MME: variants seen among roughly 807,000 people sequenced by gnomAD.
MME encodes membrane metalloendopeptidase, also known as neprilysin.
A neutral mutation model predicts 113.2 loss-of-function variants in MME; 98 were observed. That is an observed-to-expected ratio of 0.87 (90% CI 0.74 to 1.02). MME has a LOEUF of 1.02. Among genes scored for constraint, MME ranks in the 50% least tolerant of loss-of-function variants. The pLI, the probability that MME is intolerant of heterozygous loss-of-function variation, is 0.00. For synonymous variants in MME, 292 were observed against 300.6 expected (o/e 0.97, Z 0.30); for missense variants, 836 against 896.0 (o/e 0.93, Z 0.86).
chr3:155,075,590 G>A (rs1714718817), upstream of MME, among the ~76,000 whole-genome samples: 1 of 151,492 alleles, frequency 6.6e-6, no homozygotes, highest in South Asian at 2.1e-4. Context: ...TCTTTTTTGT[G>A]GTTGTATTAG....
At chr3:155,053,292 C>T (rs1713819021) in intron 1 of MME, among the ~76,000 whole-genome samples, 1 of 152,152 alleles carries the variant, frequency 6.6e-6, no homozygotes, top group South Asian at 2.1e-4. Flanking sequence ...TGTTTTCATG[C>T]CGCTTTAAAG....
At chr3:155,170,119 C>G (rs1294154552) in intron 20 of MME, among the ~76,000 whole-genome samples, 1 of 152,180 alleles carries the variant, frequency 6.6e-6, no homozygotes, top group Non-Finnish European at 1.5e-5. Flanking sequence ...GAACTCGGCT[C>G]ACTGCAGCCT....
upstream of MME, among the ~76,000 whole-genome samples, chr3:155,075,932 T>C (rs2108148151): frequency 6.6e-6 from 1 of 152,382 alleles, no homozygotes; most frequent in African/African-American, 2.4e-5. Context: ...TTTTTGTTAA[T>C]GTTTGCTTAG....
Position 155,033,083 on chromosome 3 carries a change from A to G in MME, c.-11+8759A>G, listed in dbSNP as rs1246056400. Among the ~76,000 whole-genome samples, 5 of 152,318 alleles carry G rather than the reference A, an allele frequency of 3.3e-5. No individual in the cohort carries two copies. The East Asian group carries it at 9.7e-4, about 29-fold the overall frequency. ...ATAAAGGAGAAAGTTAATCTATAAA[A>G]AAGACCTGTGATTGGAAGAGGGGAG... is the stretch of plus-strand genomic sequence containing the variant. On this transcript the variant is annotated intron_variant, in intron 1 of 22. Coordinates refer to the MME transcript ENST00000492661.
chr3:155,063,044 A>AG (rs1226507608), intron 1 of MME, among the ~76,000 whole-genome samples: 1 of 146,556 alleles, frequency 6.8e-6, no homozygotes, highest in African/African-American at 2.5e-5. Flanking sequence ...AAAAAAAAAA[A>AG]AAAAAGAAAG....
chr3:155,115,971 TAGA>T (rs1403292503), intron 4 of MME, among the ~76,000 whole-genome samples: 2 of 152,160 alleles, frequency 1.3e-5, no homozygotes, highest in East Asian at 3.9e-4. Context: ...AGTTATTTTG[TAGA>T]AGAACAATTT....
intron 1 of MME, among the ~76,000 whole-genome samples, chr3:155,049,389 G>A (rs1713676306): frequency 6.6e-6 from 1 of 152,104 alleles, no homozygotes; most frequent in African/African-American, 2.4e-5. Context: ...ACGAGCCAAA[G>A]AATGCCAAGG....
chr3:155,103,098 C>T (rs569103560), intron 3 of MME, among the ~76,000 whole-genome samples: 14 of 152,310 alleles, frequency 9.2e-5, no homozygotes, highest in African/African-American at 2.9e-4. Context: ...GCATCCTATA[C>T]GCTTTACCTA....
At chr3:155,143,881 T>C (rs916364810) in intron 13 of MME, among the ~76,000 whole-genome samples, 1 of 152,138 alleles carries the variant, frequency 6.6e-6, no homozygotes, top group African/African-American at 2.4e-5. Flanking sequence ...ATTATCAAAA[T>C]TGCCCCCAAA....
intron 17 of MME, among the ~76,000 whole-genome samples, chr3:155,163,026 A>AG (rs991242196): frequency 6.6e-6 from 1 of 151,554 alleles, no homozygotes; most frequent in African/African-American, 2.4e-5. Context: ...AAAAAAAAAA[A>AG]AAAAAGAAAG....
intron 1 of MME, among the ~76,000 whole-genome samples, chr3:155,034,300 T>G (rs1452802254): frequency 6.6e-6 from 1 of 152,164 alleles, no homozygotes; most frequent in Non-Finnish European, 1.5e-5. Context: ...AGAATGTGCT[T>G]TGGTTGTTTT....
chr3:155,093,995 A>T (rs73010287), intron 3 of MME, among the ~76,000 whole-genome samples: 1,719 of 152,260 alleles, frequency 0.011, 34 homozygotes, highest in African/African-American at 0.039. Context: ...TTCTCATACA[A>T]TGTATATTAG....
intron 1 of MME, among the ~76,000 whole-genome samples, chr3:155,062,248 C>A (rs1714175050): frequency 6.6e-6 from 1 of 152,148 alleles, no homozygotes; most frequent in Non-Finnish European, 1.5e-5. Context: ...ATTTCACCTG[C>A]ATTCTTTTCT....
chr3:155,117,754 G>GCT (rs201681802), intron 7 of MME, among the ~76,000 whole-genome samples: 314 of 152,172 alleles, frequency 2.1e-3, no homozygotes, highest in Admixed American at 6.3e-3. Flanking sequence ...CCTGCAGTGG[G>GCT]CTCTCTCTCT....
intron 6 of MME, 34 bp from the exon 7 acceptor site, chr3:155,116,834 T>G (rs1366203541): frequency 1.3e-6 from 2 of 1,547,684 alleles, no homozygotes; most frequent in Non-Finnish European, 8.9e-7. Flanking sequence ...GAACTAAAGC[T>G]TCTAAAGATA....
At position 155,167,916 on chromosome 3, in the gene MME, G is replaced by A. The variant is rs76590094; in HGVS notation, c.1781-576G>A. Among the ~76,000 whole-genome samples the A allele has an allele frequency of 4.0e-3, 606 of 152,222 alleles. 5 individuals are homozygous for A. The highest frequency in any genetic ancestry group is 0.014 in the African/African-American group (566 of 41,560). On this transcript the variant is annotated intron_variant, in intron 18 of 22. Transcript: ENST00000360490. ...ACATAGCCCTTTTCTTAATCACTAC[G>A]TCATAGGCAAATATGAAAAAGATGG...
chr3:155,148,821 G>A (rs186315326), intron 16 of MME, among the ~76,000 whole-genome samples, 168 bp downstream of exon 16: 22 of 152,204 alleles, frequency 1.4e-4, no homozygotes, highest in African/African-American at 5.1e-4. Context: ...TAAAGATATG[G>A]ATCAAGACTT....
intron 8 of MME, among the ~76,000 whole-genome samples, chr3:155,133,824 A>G (rs181736992): frequency 6.8e-5 from 10 of 147,282 alleles, no homozygotes; most frequent in Non-Finnish European, 1.0e-4. Context: ...TCCAATATCA[A>G]TCTACTGAGA....
At chr3:155,060,668 TG>T (rs767311827) in intron 1 of MME, among the ~76,000 whole-genome samples, 8 of 152,126 alleles carry the variant, frequency 5.3e-5, no homozygotes, top group Non-Finnish European at 1.0e-4. Flanking sequence ...CTCAAAGAAT[TG>T]CCGCAATAAA....
Sources: allele counts gnomAD v4.1 joint callset (sites outside exome capture counted in the v4.1 genomes callset), GRCh38; gene constraint gnomAD v4.1.1; transcripts MANE v1.5; gene names NCBI Gene and HGNC (gene_info 2026-07-23, HGNC 2026-07-21).